Variants in ACOXL observed in about 807,000 individuals in gnomAD.
The protein encoded by ACOXL is acyl-CoA oxidase like, also known as acyl-coenzyme A oxidase-like protein.
Under a neutral mutation model 71.9 loss-of-function variants are expected in ACOXL, and 70 were observed. That is an observed-to-expected ratio of 0.97 (90% CI 0.80 to 1.19). The LOEUF (loss-of-function observed/expected upper bound fraction) is 1.19, where lower values mean the gene tolerates loss of function less well. Ranked by LOEUF, ACOXL falls within the 50% of genes most tolerant of loss-of-function variation. The pLI is 0.00. For missense variants in ACOXL, 703 were observed against 736.3 expected, an observed-to-expected ratio of 0.95 and a Z score of 0.52; for synonymous variants, 253 against 281.6, an observed-to-expected ratio of 0.90 and a Z score of 1.02.
At chr2:110,938,795 C>T (rs980748774) in intron 12 of ACOXL, among the ~76,000 whole-genome samples, 7 of 152,008 alleles carry the variant, frequency 4.6e-5, no homozygotes, top group Admixed American at 1.3e-4. Context: ...CAAAACTTGG[C>T]CCCCTTGATC....
chr2:110,859,681 T>C (rs1235009384), intron 10 of ACOXL, among the ~76,000 whole-genome samples: 2 of 152,144 alleles, frequency 1.3e-5, no homozygotes, highest in African/African-American at 2.4e-5. Context: ...TTTAGGATGC[T>C]CTGCAAACAA....
intron 12 of ACOXL, among the ~76,000 whole-genome samples, chr2:110,955,717 C>A (rs1270175804): frequency 6.6e-6 from 1 of 152,022 alleles, no homozygotes; most frequent in African/African-American, 2.4e-5. Flanking sequence ...TTCTGTACCC[C>A]TTCATGCCTC....
At chr2:110,781,535 G>A (rs1450716880) in intron 2 of ACOXL, among the ~76,000 whole-genome samples, 2 of 151,930 alleles carry the variant, frequency 1.3e-5, no homozygotes, top group African/African-American at 4.8e-5. Context: ...CCAGCTACTC[G>A]GGAAGCTGAG....
At chr2:110,909,782 G>A (rs547629881) in intron 11 of ACOXL, among the ~76,000 whole-genome samples, 1 of 150,992 alleles carries the variant, frequency 6.6e-6, no homozygotes, top group Admixed American at 6.7e-5. Context: ...TGGCATGGCG[G>A]GGAGGGATTG....
chr2:110,982,365 C>T lies in ACOXL; in HGVS notation c.1060-4743C>T, dbSNP rs145260802. Among the ~76,000 whole-genome samples the T allele has an allele frequency of 2.1e-3, 318 of 152,138 alleles. 5 individuals carry two copies. In the East Asian group the frequency reaches 0.033, roughly 16 times the overall value. The stretch of plus-strand genomic sequence containing the variant: ...TTTGCCCTTCCCTCTCTTCTCTCCC[C>T]GCTCCTTCTCCTCTCGTCTCTCCCC... On this transcript the variant is annotated intron_variant, in intron 12 of 17. Transcript: ENST00000439055.
At chr2:110,935,101 A>G (rs2060613249) in intron 12 of ACOXL, among the ~76,000 whole-genome samples, 1 of 152,014 alleles carries the variant, frequency 6.6e-6, no homozygotes, top group Non-Finnish European at 1.5e-5. Context: ...AGGTTAGGTC[A>G]GCAGGTGGGG....
chr2:110,800,938 C>T (rs899561978), intron 7 of ACOXL, among the ~76,000 whole-genome samples: 1 of 152,154 alleles, frequency 6.6e-6, no homozygotes, highest in Non-Finnish European at 1.5e-5. Flanking sequence ...TGCTCTGGTG[C>T]CCTTGTAAGC....
intron 11 of ACOXL, among the ~76,000 whole-genome samples, chr2:110,931,303 G>A (rs1279046117): frequency 1.3e-5 from 2 of 152,212 alleles, no homozygotes; most frequent in Non-Finnish European, 1.5e-5. Context: ...TTTTCTTAAA[G>A]ACTATTTATT....
At chr2:111,014,867 G>A (rs1042203260) in intron 14 of ACOXL, among the ~76,000 whole-genome samples, 3 of 152,154 alleles carry the variant, frequency 2.0e-5, no homozygotes, top group Admixed American at 2.0e-4. Context: ...GAAATTCAAT[G>A]ATGAAAAGAA....
intron 10 of ACOXL, among the ~76,000 whole-genome samples, chr2:110,903,689 A>C (rs1287835860): frequency 6.6e-6 from 1 of 152,260 alleles, no homozygotes; most frequent in African/African-American, 2.4e-5. Context: ...AAACTGGAAC[A>C]ATAAAAATGT....
intron 14 of ACOXL, among the ~76,000 whole-genome samples, chr2:111,027,714 T>TTCC: frequency 6.6e-6 from 1 of 152,202 alleles, no homozygotes. Flanking sequence ...TGGACTTTCC[T>TTCC]TTGTTGTAAG....
At chr2:110,989,910 C>T (rs2063102357) in intron 13 of ACOXL, among the ~76,000 whole-genome samples, 1 of 152,008 alleles carries the variant, frequency 6.6e-6, no homozygotes, top group African/African-American at 2.4e-5. Context: ...CATGGTGGCA[C>T]ATGCTTGTAA....
intron 11 of ACOXL, among the ~76,000 whole-genome samples, chr2:110,931,753 AT>A (rs2149334632): frequency 6.6e-6 from 1 of 152,354 alleles, no homozygotes; most frequent in South Asian, 2.1e-4. Context: ...AATGACTAAC[AT>A]TAAAAAGACT....
chr2:110,988,413 C>T (rs1418805877), intron 13 of ACOXL, among the ~76,000 whole-genome samples: 1 of 152,066 alleles, frequency 6.6e-6, no homozygotes, highest in Non-Finnish European at 1.5e-5. Flanking sequence ...GCACTCTAGC[C>T]TGGGCAACAG....
At chr2:110,928,113 G>C (rs1003624108) in intron 11 of ACOXL, among the ~76,000 whole-genome samples, 1 of 152,240 alleles carries the variant, frequency 6.6e-6, no homozygotes, top group Non-Finnish European at 1.5e-5. Flanking sequence ...CCACAGCACT[G>C]TCCCTGCTGC....
chr2:110,964,522 T>G (rs2061842836), intron 12 of ACOXL, among the ~76,000 whole-genome samples: 1 of 152,222 alleles, frequency 6.6e-6, no homozygotes, highest in Non-Finnish European at 1.5e-5. Context: ...TTAGGCTGTT[T>G]CATCGTTGTG....
chr2:111,024,061 T>C (rs2064903187), intron 14 of ACOXL, among the ~76,000 whole-genome samples: 1 of 152,094 alleles, frequency 6.6e-6, no homozygotes, highest in Admixed American at 6.5e-5. Context: ...TCAGCTAAAG[T>C]GCTTGTCTGC....
At chr2:110,817,921 G>A (rs533273920) in intron 9 of ACOXL, among the ~76,000 whole-genome samples, 6 of 145,714 alleles carry the variant, frequency 4.1e-5, no homozygotes, top group South Asian at 2.2e-4. Flanking sequence ...TTGCCGTCTC[G>A]TCCAAGTTTT....
chr2:110,961,475 G>C (rs1248253331), intron 12 of ACOXL, among the ~76,000 whole-genome samples: 1 of 152,160 alleles, frequency 6.6e-6, no homozygotes, highest in East Asian at 1.9e-4. Flanking sequence ...CCAGGGCAGG[G>C]TGGAAGTAAG....
Sources: allele counts gnomAD v4.1 joint callset (sites outside exome capture counted in the v4.1 genomes callset), GRCh38; gene constraint gnomAD v4.1.1; transcripts MANE v1.5; gene names NCBI Gene and HGNC (gene_info 2026-07-23, HGNC 2026-07-21).